GEMIN2: variants seen among roughly 807,000 people sequenced by gnomAD.
The protein encoded by GEMIN2 is gem-associated protein 2.
GEMIN2 carries 37 observed loss-of-function variants against 45.8 expected under a neutral mutation model. That is an observed-to-expected ratio of 0.81 (90% CI 0.62 to 1.06). The LOEUF (loss-of-function observed/expected upper bound fraction) is 1.06. Ranked by LOEUF, GEMIN2 falls within the 50% of genes least tolerant of loss-of-function variation. The pLI is 0.00. For synonymous variants in GEMIN2, 101 were observed against 111.5 expected, an observed-to-expected ratio of 0.91 and a Z score of 0.60; for missense variants, 335 against 321.8, an observed-to-expected ratio of 1.04 and a Z score of -0.31.
chr14:39,136,465 G>A lies in GEMIN2; in HGVS notation c.796G>A (p.Asp266Asn), dbSNP rs755523946. 8.8e-6 allele frequency: 14 copies of A among 1,585,872 alleles called. No individual in the cohort carries two copies. The highest frequency in any genetic ancestry group is 1.2e-5 in the Non-Finnish European group (14 of 1,155,944). ...GTATTTTGACCAACGTGATTTAGCTGATGAGCCATCTTGATGTAGCTGATC... is the reference window on the plus strand; with the variant it reads ...GTATTTTGACCAACGTGATTTAGCTAATGAGCCATCTTGATGTAGCTGATC... ...SRYFDQRDLA[D>N]EPS The change falls in exon 10 of 10, where the codon GAT becomes AAT. Residue 266 changes from aspartate to asparagine, a missense_variant. By Grantham distance (23) the Asp-to-Asn change is conservative. Transcript: ENST00000308317.
At chr14:39,130,749 G>C (rs982871395) in intron 7 of GEMIN2, among the ~76,000 whole-genome samples, 1 of 151,744 alleles carries the variant, frequency 6.6e-6, no homozygotes, top group African/African-American at 2.4e-5. Flanking sequence ...ACAAAAATTA[G>C]CTGAGCATGG....
At chr14:39,122,858 C>A (rs967133319) in intron 5 of GEMIN2, among the ~76,000 whole-genome samples, 2 of 152,060 alleles carry the variant, frequency 1.3e-5, no homozygotes, top group African/African-American at 4.8e-5. Context: ...TTTACTGTGA[C>A]TTTTTTTAGT....
intron 7 of GEMIN2, among the ~76,000 whole-genome samples, chr14:39,129,396 C>T (rs754926232): frequency 2.4e-4 from 36 of 151,892 alleles, no homozygotes; most frequent in African/African-American, 7.5e-4. Context: ...TGTGATGCTA[C>T]GGTATTTATT....
In GEMIN2 at chr14:39,136,462, G is replaced by T; in HGVS notation, c.793G>T (p.Ala265Ser). The change falls in exon 10 of 10, where the codon GCT (alanine) becomes TCT (serine). Residue 265 changes from alanine (A) to serine (S), a missense_variant. Coordinates refer to ENST00000308317, the MANE Select transcript of GEMIN2 (RefSeq NM_003616.3). Reference protein sequence around the residue: ...VSRYFDQRDLADEPS With the variant: ...VSRYFDQRDLSDEPS Reference sequence around the variant, plus strand: ...TAGGTATTTTGACCAACGTGATTTAGCTGATGAGCCATCTTGATGTAGCTG... The same window carrying T: ...TAGGTATTTTGACCAACGTGATTTATCTGATGAGCCATCTTGATGTAGCTG... 6.3e-7 allele frequency: 1 copy of T among 1,586,146 alleles called. No homozygotes were observed.
In GEMIN2 at chr14:39,131,947, T is replaced by A; in HGVS notation, c.601-11T>A. The A allele has an allele frequency of 1.5e-6, 2 of 1,311,554 alleles. No homozygotes were observed. Among genetic ancestry groups the A allele is most frequent in the Non-Finnish European group, 2.2e-6 (2 of 926,906 alleles). 81.2% of individuals were successfully genotyped at this position (1,311,554 alleles called of 1,614,324 possible). A position where few individuals can be genotyped will look rare whatever the true frequency, so the allele number is the denominator to read the frequency against. On this transcript the variant is annotated splice_polypyrimidine_tract_variant and intron_variant, in intron 7 of 9. Coordinates refer to ENST00000308317, the MANE Select transcript of GEMIN2 (RefSeq NM_003616.3). ...TTTGTCTAAATATTAATTTTTTGAA[T>A]TTTTTTTTAGGGAAGATGGCTTTAT...
intron 6 of GEMIN2, among the ~76,000 whole-genome samples, chr14:39,127,216 G>A (rs149028278): frequency 0.017 from 2,406 of 142,802 alleles, 71 homozygotes; most frequent in African/African-American, 0.059. Context: ...TCAGCCTCCC[G>A]AGTAGCTAGG....
chr14:39,128,653 G>GT (rs571631393), intron 7 of GEMIN2, among the ~76,000 whole-genome samples: 10 of 150,754 alleles, frequency 6.6e-5, no homozygotes, highest in South Asian at 2.1e-4. Flanking sequence ...GCCACGCCCA[G>GT]TTTTTTTTGT....
intron 6 of GEMIN2, among the ~76,000 whole-genome samples, chr14:39,125,637 A>G (rs966376345): frequency 1.3e-4 from 20 of 152,080 alleles, no homozygotes; most frequent in African/African-American, 4.1e-4. Flanking sequence ...CAATGTGTTT[A>G]TCAGCACATA....
intron 2 of GEMIN2, among the ~76,000 whole-genome samples, chr14:39,117,255 A>G (rs1335874722): frequency 7.4e-6 from 1 of 135,458 alleles, no homozygotes; most frequent in African/African-American, 2.7e-5. Flanking sequence ...GAGCAACAGG[A>G]GCGAAACTCC....
chr14:39,116,642 G>C (rs941893320), intron 2 of GEMIN2, among the ~76,000 whole-genome samples: 1 of 151,838 alleles, frequency 6.6e-6, no homozygotes. Context: ...CTTGTAATCA[G>C]GAAATTTTAA....
In GEMIN2 at chr14:39,126,805, C is replaced by T. The variant is rs543278666; in HGVS notation, c.532-1475C>T. Among the ~76,000 whole-genome samples the T allele has an allele frequency of 6.6e-4, 100 of 152,108 alleles. 1 individual carries two copies. Among genetic ancestry groups the T allele is most frequent in the African/African-American group, 2.2e-3 (92 of 41,494 alleles). ...TTTTTGAGAGGGAGTCTCGCTCTGT[C>T]GCCAGGCTGGAGTGCAGTGGCACAA... On this transcript the variant is annotated intron_variant, in intron 6 of 9. Coordinates refer to ENST00000308317, the MANE Select transcript of GEMIN2 (RefSeq NM_003616.3).
chr14:39,122,697 A>G (rs2052588717), intron 5 of GEMIN2, 154 bp downstream of exon 5: 2 of 467,340 alleles, frequency 4.3e-6, no homozygotes, highest in African/African-American at 2.0e-5. Context: ...TTGAAAGAGT[A>G]AAAAAGAAAC....
At chr14:39,121,307 G>T (rs1158473766) in intron 4 of GEMIN2, among the ~76,000 whole-genome samples, 1 of 152,150 alleles carries the variant, frequency 6.6e-6, no homozygotes, top group African/African-American at 2.4e-5. Flanking sequence ...CAAAGCAGAA[G>T]AATTGCTTGA....
At chr14:39,117,270 CAA>C (rs34024177) in intron 2 of GEMIN2, among the ~76,000 whole-genome samples, 10 of 133,460 alleles carry the variant, frequency 7.5e-5, no homozygotes, top group Admixed American at 1.5e-4. Context: ...AACTCCGTCT[CAA>C]AAAAAAAAAA....
chr14:39,121,078 A>T (rs2052567369), intron 4 of GEMIN2, among the ~76,000 whole-genome samples: 1 of 152,150 alleles, frequency 6.6e-6, no homozygotes, highest in East Asian at 1.9e-4. Context: ...AACCCTTCAA[A>T]TATGTGAAAT....
chr14:39,128,237 A>G, intron 6 of GEMIN2, 43 bp from the exon 7 acceptor site: 2 of 1,053,886 alleles, frequency 1.9e-6, no homozygotes, highest in South Asian at 2.7e-5. Context: ...TTCATGTTTT[A>G]TTATTAATAC....
chr14:39,133,042 TTA>T (rs530543430), intron 8 of GEMIN2, among the ~76,000 whole-genome samples: 4,247 of 143,974 alleles, frequency 0.029, 218 homozygotes, highest in African/African-American at 0.1. Context: ...ATATATATCT[TTA>T]TATATATATC....
chr14:39,129,927 CAAGT>C (rs1476600166), intron 7 of GEMIN2, among the ~76,000 whole-genome samples: 8 of 134,550 alleles, frequency 5.9e-5, no homozygotes, highest in Non-Finnish European at 9.4e-5. Flanking sequence ...TCATTGCAGA[CAAGT>C]TTGTTTTTTT....
intron 1 of GEMIN2, 44 bp downstream of exon 1, chr14:39,114,519 GC>G: frequency 6.9e-7 from 1 of 1,451,462 alleles, no homozygotes; most frequent in Non-Finnish European, 9.6e-7. Flanking sequence ...CTTCTGCCCT[GC>G]CCCTGGGTAC....
Sources: allele counts gnomAD v4.1 joint callset (sites outside exome capture counted in the v4.1 genomes callset), GRCh38; gene constraint gnomAD v4.1.1; transcripts MANE v1.5; gene names NCBI Gene and HGNC (gene_info 2026-07-23, HGNC 2026-07-21).